Variants in CLIC6 observed in about 807,000 individuals in gnomAD.
CLIC6 encodes the protein CLIC family member 6.
A neutral mutation model predicts 49.2 loss-of-function variants in CLIC6; 39 were observed. That is an observed-to-expected ratio of 0.79 (90% CI 0.61 to 1.04). The LOEUF (loss-of-function observed/expected upper bound fraction) is 1.04, where lower values mean the gene tolerates loss of function less well. CLIC6 is among the 50% of genes least tolerant of loss of function. The pLI is 0.00. For missense variants in CLIC6, 988 were observed against 993.1 expected (o/e 0.99, Z 0.07); for synonymous variants, 446 against 433.4 (o/e 1.03, Z -0.36).
chr21:34,701,309 A>C (rs1990186244), intron 1 of CLIC6, among the ~76,000 whole-genome samples: 1 of 54,998 alleles, frequency 1.8e-5, no homozygotes, highest in African/African-American at 1.3e-4. Context: ...GCTCCGTCTC[A>C]AAAAAAAAAA....
In CLIC6 at chr21:34,707,407, C is replaced by T; in HGVS notation, c.1484+18C>T. 7.3e-7 allele frequency: 1 copy of T among 1,375,928 alleles called. No homozygotes were observed. Among genetic ancestry groups the T allele is most frequent in the Non-Finnish European group, 1.0e-6 (1 of 968,704 alleles). 85.2% of individuals were successfully genotyped at this position (1,375,928 alleles called of 1,614,324 possible). Reference sequence around the variant, plus strand: ...CTGAAAAGGTAAGACAAGGCGTCTGCCTTACTGAAATAACTGTACCTAGTT... The same window carrying T: ...CTGAAAAGGTAAGACAAGGCGTCTGTCTTACTGAAATAACTGTACCTAGTT... On this transcript the variant is annotated intron_variant, in intron 2 of 5. Coordinates refer to ENST00000349499, the MANE Select transcript of CLIC6 (RefSeq NM_053277.3).
chr21:34,671,208 T>C (rs980312587), intron 1 of CLIC6, among the ~76,000 whole-genome samples: 6 of 150,804 alleles, frequency 4.0e-5, no homozygotes, highest in Non-Finnish European at 7.4e-5. Context: ...AAGGAAGCTT[T>C]AATACTTGAA....
chr21:34,679,519 CA>C, intron 1 of CLIC6, among the ~76,000 whole-genome samples: 1 of 152,190 alleles, frequency 6.6e-6, no homozygotes, highest in Non-Finnish European at 1.5e-5. Flanking sequence ...ACAGTCTCCC[CA>C]AAGTCTTAAC....
Position 34,680,074 on chromosome 21 carries a change from G to GCA in CLIC6, c.1374+9313_1374+9314dup, listed in dbSNP as rs1304028111. On this transcript the variant is annotated intron_variant, in intron 1 of 5. Coordinates refer to ENST00000349499, the MANE Select transcript of CLIC6 (RefSeq NM_053277.3). Reference sequence around the variant, plus strand: ...TACATTTCCCTTCTGTACTGCCCTAGCAGAGGTTCTCCATGAGGGCTCTGC... The same window carrying GCA: ...TACATTTCCCTTCTGTACTGCCCTAGCACAGAGGTTCTCCATGAGGGCTCTGC... Among the ~76,000 whole-genome samples the GCA allele has an allele frequency of 2.0e-5, 3 of 152,242 alleles. No homozygotes were observed. In the East Asian group the frequency reaches 5.8e-4, roughly 29 times the overall value.
intron 5 of CLIC6, among the ~76,000 whole-genome samples, chr21:34,712,272 G>A (rs554221142): frequency 5.0e-4 from 76 of 152,242 alleles, no homozygotes; most frequent in Non-Finnish European, 9.7e-4. Context: ...AGTGTGAAGG[G>A]ATTTATAATT....
intron 3 of CLIC6, among the ~76,000 whole-genome samples, 165 bp downstream of exon 3, chr21:34,708,234 G>C (rs916050731): frequency 6.6e-6 from 1 of 152,154 alleles, no homozygotes; most frequent in Admixed American, 6.5e-5. Flanking sequence ...TCGGGGACCT[G>C]GGTTTCATTG....
chr21:34,703,801 G>A (rs1601282719), intron 1 of CLIC6, among the ~76,000 whole-genome samples: 4 of 152,110 alleles, frequency 2.6e-5, no homozygotes, highest in South Asian at 4.2e-4. Context: ...CTCAGATGAC[G>A]AGGCTGGTAT....
rs751151688 is a variant in CLIC6 at position 34,669,912 on chromosome 21, C to T, written c.524C>T (p.Pro175Leu). The change falls in exon 1 of 6, where the codon CCG becomes CTG. Residue 175 changes from proline (P) to leucine (L), a missense_variant. Physicochemically the swap from Pro to Leu is moderately conservative, Grantham distance 98 (BLOSUM62 -3). This residue lies in a region of CLIC6 where 284 missense variants were observed against 278.6 expected (regional missense o/e 1.02). Coordinates refer to ENST00000349499, the MANE Select transcript of CLIC6 (RefSeq NM_053277.3). ...GGGGACAACATAGAAGCGGAGGGCC[C>T]GGCGGGCGACAGCGTAGAGGCGGAG... ...PLGDNIEAEG[P>L]AGDSVEAEGR... 7.6e-7 allele frequency: 1 copy of T among 1,314,170 alleles called. No homozygotes were observed. The highest frequency in any genetic ancestry group is 1.7e-5 in the South Asian group (1 of 59,634). The allele number at this position is 1,314,170 out of a possible 1,614,324, so 81.4% of individuals were successfully genotyped here. A position where few individuals can be genotyped will look rare whatever the true frequency, so the allele number is the denominator to read the frequency against.
chr21:34,716,414 A>T lies in CLIC6; in HGVS notation c.1993A>T (p.Thr665Ser), dbSNP rs2056085634. ...TAATGCTTATGCTAGAGATGAGTTC[A>T]CAAATACGTGTCCAGCTGATCAAGA... is the stretch of plus-strand genomic sequence containing the variant. ...LNNAYARDEF[T>S]NTCPADQEIE... Residue 665 changes from threonine to serine, a missense_variant, in exon 6 of 6, where the codon ACA becomes TCA. Thr to Ser is a moderately conservative substitution (Grantham distance 58, BLOSUM62 1). Around this residue, in one of 3 missense-constraint regions of CLIC6, gnomAD observed 647 missense variants for 596.9 expected, o/e 1.08. Transcript: ENST00000349499. 2 of 1,613,924 alleles carry T rather than the reference A, an allele frequency of 1.2e-6. No individual in the cohort carries two copies. The highest frequency in any genetic ancestry group is 1.7e-6 in the Non-Finnish European group (2 of 1,179,900).
chr21:34,678,550 T>C (rs1989718219), intron 1 of CLIC6, among the ~76,000 whole-genome samples: 1 of 152,192 alleles, frequency 6.6e-6, no homozygotes, highest in Admixed American at 6.5e-5. Context: ...GGAAAAAGGA[T>C]AACTGTTGTA....
At chr21:34,675,633 C>A (rs550474910) in intron 1 of CLIC6, among the ~76,000 whole-genome samples, 1 of 152,094 alleles carries the variant, frequency 6.6e-6, no homozygotes, top group African/African-American at 2.4e-5. Flanking sequence ...TGATGTTTTG[C>A]GTAACCTCTT....
At chr21:34,686,977 C>T (rs1989894526) in intron 1 of CLIC6, among the ~76,000 whole-genome samples, 1 of 152,218 alleles carries the variant, frequency 6.6e-6, no homozygotes, top group South Asian at 2.1e-4. Context: ...CCAGGCAAAC[C>T]TCGCTCAAAT....
In CLIC6 at chr21:34,670,333, C is replaced by G; in HGVS notation, c.945C>G (p.Ala315=). The G allele has an allele frequency of 2.8e-6, 4 of 1,449,176 alleles. No homozygotes were observed. Among genetic ancestry groups the G allele is most frequent in the Non-Finnish European group, 3.6e-6 (4 of 1,102,364 alleles). The allele number at this position is 1,449,176 out of a possible 1,614,324, so 89.8% of individuals were successfully genotyped here. A position where few individuals can be genotyped will look rare whatever the true frequency, so the allele number is the denominator to read the frequency against. ...AGGCCGAGGCAATTGAGGTCGCAGC[C>G]GGGGAGAGTGCGGGGCGCAGCCCCG... ...SPQAEAIEVA[A]GESAGRSPGE... Residue 315 remains alanine (A), a synonymous_variant, in exon 1 of 6, where the codon GCC becomes GCG. Transcript: ENST00000349499.
At chr21:34,678,444 G>C (rs1601261114) in intron 1 of CLIC6, among the ~76,000 whole-genome samples, 2 of 150,206 alleles carry the variant, frequency 1.3e-5, no homozygotes, top group Non-Finnish European at 3.0e-5. Context: ...AAAAAAAAAA[G>C]AAAAAGTTTA....
intron 5 of CLIC6, among the ~76,000 whole-genome samples, chr21:34,714,918 A>G (rs939094100): frequency 6.6e-6 from 1 of 152,244 alleles, no homozygotes; most frequent in Non-Finnish European, 1.5e-5. Flanking sequence ...AAGATGGGCA[A>G]AGAAAAACCA....
chr21:34,712,174 A>G (rs1464307636), intron 5 of CLIC6, among the ~76,000 whole-genome samples: 7 of 152,238 alleles, frequency 4.6e-5, no homozygotes, highest in Non-Finnish European at 7.3e-5. Context: ...TAGCACTCAC[A>G]ATACCCAACA....
intron 1 of CLIC6, among the ~76,000 whole-genome samples, chr21:34,672,071 C>T (rs1989577596): frequency 6.6e-6 from 1 of 152,198 alleles, no homozygotes; most frequent in Non-Finnish European, 1.5e-5. Flanking sequence ...ATGATTCTGG[C>T]ACACGGCCTC....
intron 2 of CLIC6, 136 bp downstream of exon 2, chr21:34,707,525 A>G (rs2056023925): frequency 1.5e-6 from 1 of 669,672 alleles, no homozygotes; most frequent in African/African-American, 1.8e-5. Flanking sequence ...GTCTGAACTG[A>G]AGCCCACATG....
chr21:34,709,429 T>A lies in CLIC6; in HGVS notation c.1790T>A (p.Ile597Lys). ...NYLNSPLPDE[I>K]DAYSTEDVTV... The stretch of plus-strand genomic sequence containing the variant: ...TTAAATAGCCCTCTGCCTGATGAAA[T>A]AGATGCCTACAGCACCGAGGATGTC... The change falls in exon 5 of 6, where the codon ATA becomes AAA. Residue 597 changes from isoleucine to lysine, a missense_variant. This residue lies in a region of CLIC6 where 647 missense variants were observed against 596.9 expected (regional missense o/e 1.08). Coordinates refer to ENST00000349499, the MANE Select transcript of CLIC6 (RefSeq NM_053277.3). 1 of 1,614,018 alleles carries A rather than the reference T, an allele frequency of 6.2e-7. No homozygotes were observed. The highest frequency in any genetic ancestry group is 8.5e-7 in the Non-Finnish European group (1 of 1,179,898).
Sources: allele counts gnomAD v4.1 joint callset (sites outside exome capture counted in the v4.1 genomes callset), GRCh38; gene constraint gnomAD v4.1.1; regional missense constraint gnomAD v4.1.1; transcripts MANE v1.5; gene names NCBI Gene and HGNC (gene_info 2026-07-23, HGNC 2026-07-21).